MPRIP: variants seen among roughly 807,000 people sequenced by gnomAD.
The protein encoded by MPRIP is myosin phosphatase Rho-interacting protein.
Under a neutral mutation model 234.9 loss-of-function variants are expected in MPRIP, and 59 were observed. The ratio of observed to expected loss-of-function variants is 0.25; its 90% CI spans 0.20 to 0.31. The LOEUF is 0.31. Among genes scored for constraint, MPRIP ranks in the 10% least tolerant of loss-of-function variants. The pLI is 1.00. For synonymous variants in MPRIP, 1,144 were observed against 1,263.9 expected (o/e 0.91, Z 2.01); for missense variants, 2,436 against 3,071.0 (o/e 0.79, Z 4.89).
At chr17:17,153,473 AG>A (rs1278614258) in intron 12 of MPRIP, among the ~76,000 whole-genome samples, 1 of 151,848 alleles carries the variant, frequency 6.6e-6, no homozygotes, top group Non-Finnish European at 1.5e-5. Context: ...GTACCCAGGC[AG>A]GTCTGCTCAG....
At chr17:17,049,852 G>A (rs1424721426) in intron 1 of MPRIP, among the ~76,000 whole-genome samples, 1 of 152,192 alleles carries the variant, frequency 6.6e-6, no homozygotes, top group Non-Finnish European at 1.5e-5. Flanking sequence ...TGTAATGGAA[G>A]CCACATAGGA....
chr17:17,069,080 G>A (rs1182268943), intron 1 of MPRIP, among the ~76,000 whole-genome samples: 1 of 152,074 alleles, frequency 6.6e-6, no homozygotes, highest in African/African-American at 2.4e-5. Flanking sequence ...AGTTCTATTA[G>A]TTTTAACTTC....
At chr17:17,098,781 C>T (rs746739530) in intron 3 of MPRIP, among the ~76,000 whole-genome samples, 2 of 152,216 alleles carry the variant, frequency 1.3e-5, no homozygotes, top group South Asian at 2.1e-4. Context: ...CTCCAACCTC[C>T]AGGCTGCCTG....
intron 3 of MPRIP, among the ~76,000 whole-genome samples, chr17:17,118,536 C>G (rs1165146141): frequency 6.6e-6 from 1 of 152,200 alleles, no homozygotes; most frequent in African/African-American, 2.4e-5. Context: ...TTCCATGCAG[C>G]TTCAGGAGGC....
At chr17:17,132,529 C>G (rs562836285) in intron 5 of MPRIP, among the ~76,000 whole-genome samples, 2 of 152,320 alleles carry the variant, frequency 1.3e-5, no homozygotes, top group East Asian at 1.9e-4. Context: ...ATGGGGGTCC[C>G]TTGGGCATCA....
At position 17,122,618 on chromosome 17, in the gene MPRIP, G is replaced by T. The variant is rs1567729645; in HGVS notation, c.268-4084G>T. Among the ~76,000 whole-genome samples the T allele has an allele frequency of 2.0e-5, 3 of 152,234 alleles. No homozygotes were observed. In the South Asian group the frequency reaches 6.2e-4, roughly 31 times the overall value. Reference sequence around the variant, plus strand: ...TCCGCCCGTCTTGGCCTCCCAAAGTGCTGGGATTACAGGCATGAGCCACTG... The same window carrying T: ...TCCGCCCGTCTTGGCCTCCCAAAGTTCTGGGATTACAGGCATGAGCCACTG... On this transcript the variant is annotated intron_variant, in intron 3 of 23. Transcript: ENST00000651222.
intron 4 of MPRIP, among the ~76,000 whole-genome samples, chr17:17,128,643 C>T (rs983641157): frequency 1.3e-5 from 2 of 152,172 alleles, no homozygotes; most frequent in African/African-American, 4.8e-5. Flanking sequence ...TGACGCTCTT[C>T]CCCTTCCCCT....
rs1423106204 is a variant in MPRIP at position 17,175,304 on chromosome 17, C to T, written c.6762C>T (p.Asn2254=). Residue 2254 remains asparagine (N), a synonymous_variant, in exon 20 of 24, where the codon AAC becomes AAT. Transcript: ENST00000651222. The part of the protein sequence containing the change: ...ELNAHNQELN[N]RLAAEITRLR... The stretch of plus-strand genomic sequence containing the variant: ...TTGCTGTCCCCCAGGAGCTGAACAA[C>T]CGCCTGGCTGCAGAGATCACACGGT... The T allele has an allele frequency of 1.9e-6, 3 of 1,613,430 alleles. No homozygotes were observed. The highest frequency in any genetic ancestry group is 2.5e-6 in the Non-Finnish European group (3 of 1,180,014).
chr17:17,142,581 C>T (rs1020868454), intron 7 of MPRIP, 46 bp from the exon 8 acceptor site: 8 of 1,601,616 alleles, frequency 5.0e-6, no homozygotes, highest in Non-Finnish European at 6.8e-6. Context: ...TGCCACCTCA[C>T]AGCTCACCTC....
In MPRIP at chr17:17,188,485, C is replaced by T. The variant is rs12602583; in HGVS notation, c.*3591C>T. 23,253 of 152,238 alleles carry T rather than the reference C, an allele frequency of 0.15. 2,589 individuals carry two copies. The highest frequency in any genetic ancestry group is 0.3 in the East Asian group (1,571 of 5,174). The allele number at this position is 152,238 out of a possible 1,614,324, so 9.4% of individuals were successfully genotyped here. A position where few individuals can be genotyped will look rare whatever the true frequency, so the allele number is the denominator to read the frequency against. On this transcript the variant is annotated 3_prime_UTR_variant, in exon 24 of 24. Transcript: ENST00000651222. ...TGCAGCAGCCACCAGCTCCCATCAC[C>T]CCTTGACCCTCCAGCTCATGCTGGA...
At position 17,167,505 on chromosome 17, in the gene MPRIP, C is replaced by T. The variant is rs575988469; in HGVS notation, c.5914C>T (p.Arg1972Trp). 3.1e-6 allele frequency: 4 copies of T among 1,304,160 alleles called. No individual in the cohort carries two copies. Among genetic ancestry groups the T allele is most frequent in the African/African-American group, 1.5e-5 (1 of 65,966 alleles). The allele number at this position is 1,304,160 out of a possible 1,614,324, so 80.8% of individuals were successfully genotyped here. A position where few individuals can be genotyped will look rare whatever the true frequency, so the allele number is the denominator to read the frequency against. ...GAGCACACTGCAGGCTGAGCGCAGC[C>T]GGGTCCTGAGCCAGCTGGATGCCTC... ...TESTLQAERS[R>W]VLSQLDASVR... The change falls in exon 16 of 24, where the codon CGG (arginine) becomes TGG (tryptophan). Residue 1972 changes from arginine (R) to tryptophan (W), a missense_variant. Arg to Trp is a moderately radical substitution (Grantham distance 101). This residue lies in a region of MPRIP where 1,998 missense variants were observed against 2,520.3 expected (regional missense o/e 0.79). Transcript: ENST00000651222. This position sits in a 1 kb window ranked among gnomAD's most constrained non-coding sequence, Gnocchi z 5.9.
intron 3 of MPRIP, among the ~76,000 whole-genome samples, chr17:17,100,029 C>G (rs1349227389): frequency 6.6e-6 from 1 of 152,206 alleles, no homozygotes; most frequent in African/African-American, 2.4e-5. Flanking sequence ...GTGGTCTCCT[C>G]CTGGGATGGC....
At position 17,165,550 on chromosome 17, in the gene MPRIP, A is replaced by G. The variant is rs2045966936; in HGVS notation, c.3959A>G (p.Gln1320Arg). 1 of 1,304,448 alleles carries G rather than the reference A, an allele frequency of 7.7e-7. No homozygotes were observed. The highest frequency in any genetic ancestry group is 1.0e-6 in the Non-Finnish European group (1 of 989,030). 80.8% of individuals were successfully genotyped at this position (1,304,448 alleles called of 1,614,324 possible). A position where few individuals can be genotyped will look rare whatever the true frequency, so the allele number is the denominator to read the frequency against. ...CAAGGGGCACCTGGTGTTAAAAGGC[A>G]AAGAATCCGGTTCTCCACAATCCAG... ...LDQGAPGVKR[Q>R]RIRFSTIQCQ... is the part of the protein sequence containing the mutation. The change falls in exon 16 of 24, where the codon CAA (glutamine) becomes CGA (arginine). Residue 1320 changes from glutamine to arginine, a missense_variant. This residue lies in a region of MPRIP where 1,998 missense variants were observed against 2,520.3 expected (regional missense o/e 0.79). Transcript: ENST00000651222.
rs529792617 is a variant in MPRIP, at chr17:17,185,369, C to T, written c.*475C>T. 32 of 393,150 alleles carry T rather than the reference C, an allele frequency of 8.1e-5. No homozygotes were observed. In the East Asian group the frequency reaches 1.3e-3, roughly 16 times the overall value. The allele number at this position is 393,150 out of a possible 1,614,324, so 24.4% of individuals were successfully genotyped here. A position where few individuals can be genotyped will look rare whatever the true frequency, so the allele number is the denominator to read the frequency against. The stretch of plus-strand genomic sequence containing the variant: ...TGGGTCACAGCACTGACTCCTCACC[C>T]GCTAGTCTGGCTGTTAAGAGGAGAA... On this transcript the variant is annotated 3_prime_UTR_variant, in exon 24 of 24. Transcript: ENST00000651222.
At chr17:17,131,812 C>T in intron 5 of MPRIP, 111 bp downstream of exon 5, 1 of 903,340 alleles carries the variant, frequency 1.1e-6, no homozygotes, top group South Asian at 1.4e-5. Context: ...AGGGCTGAGG[C>T]AGTCACCAAC....
chr17:17,148,160 A>G (rs934758886), intron 11 of MPRIP, among the ~76,000 whole-genome samples: 2 of 152,194 alleles, frequency 1.3e-5, no homozygotes, highest in Non-Finnish European at 2.9e-5. Context: ...AAAAGGTGGT[A>G]GTGATAAGAA....
Position 17,186,732 on chromosome 17 carries a change from C to T in MPRIP, c.*1838C>T, listed in dbSNP as rs1265614754. On this transcript the variant is annotated 3_prime_UTR_variant, in exon 24 of 24. Coordinates refer to ENST00000651222, the MANE Select transcript of MPRIP (RefSeq NM_001364716.4). ...AGGCCCCATATCAGATATAGATATACTTATCAGACCCCCCCTGACCATTTA... is the reference window on the plus strand; with the variant it reads ...AGGCCCCATATCAGATATAGATATATTTATCAGACCCCCCCTGACCATTTA... 3.9e-5 allele frequency: 6 copies of T among 152,210 alleles called. No homozygotes were observed. Among genetic ancestry groups the T allele is most frequent in the African/African-American group, 1.2e-4 (5 of 41,424 alleles). 9.4% of individuals were successfully genotyped at this position (152,210 alleles called of 1,614,324 possible).
intron 7 of MPRIP, among the ~76,000 whole-genome samples, chr17:17,139,376 CAATA>C (rs1394196107): frequency 6.6e-6 from 1 of 152,208 alleles, no homozygotes; most frequent in African/African-American, 2.4e-5. Context: ...CCTGCCCCCT[CAATA>C]AAACAATTTC....
At chr17:17,147,196 T>C in intron 10 of MPRIP, 123 bp from the exon 11 acceptor site, 1 of 890,002 alleles carries the variant, frequency 1.1e-6, no homozygotes, top group Non-Finnish European at 1.9e-6. Flanking sequence ...GGGGCCAGCC[T>C]GTCCCCTGCT....
Sources: gnomAD v4.1 joint callset for allele counts (sites outside exome capture counted in the v4.1 genomes callset) on GRCh38, gnomAD v4.1.1 for gene constraint, gnomAD v4.1.1 regional missense constraint, Gnocchi (gnomAD v3.1) non-coding constraint, MANE v1.5 for transcripts, NCBI Gene and HGNC (gene_info 2026-07-23, HGNC 2026-07-21) for gene names.